Variants in SMAGP observed in about 807,000 individuals in gnomAD.
The protein encoded by SMAGP is small cell transmembrane and glycosylated protein.
Under a neutral mutation model 10.1 loss-of-function variants are expected in SMAGP, and 7 were observed. That is an observed-to-expected ratio of 0.70 (90% confidence interval 0.40 to 1.31). The LOEUF (loss-of-function observed/expected upper bound fraction) is 1.31. SMAGP is among the 50% of genes most tolerant of loss of function. The probability of loss-of-function intolerance (pLI) is 0.01; values close to 1 mark genes in which losing one functional copy is unlikely to be tolerated. For missense variants in SMAGP, 113 were observed against 116.5 expected, an observed-to-expected ratio of 0.97 and a Z score of 0.14; for synonymous variants, 49 against 47.2, an observed-to-expected ratio of 1.04 and a Z score of -0.16.
At chr12:51,260,548 T>A (rs1944923322) in intron 2 of SMAGP, among the ~76,000 whole-genome samples, 2 of 151,424 alleles carry the variant, frequency 1.3e-5, no homozygotes, top group Non-Finnish European at 2.9e-5. Flanking sequence ...GGCTAATTTT[T>A]TGTATTTTTT....
intron 2 of SMAGP, chr12:51,253,537 T>C (rs1327250417): frequency 6.8e-6 from 1 of 147,860 alleles, no homozygotes; most frequent in Non-Finnish European, 1.5e-5. Flanking sequence ...TGTCCAACAG[T>C]AGATAAATGG....
Position 51,268,960 on chromosome 12 carries a change from G to A in SMAGP, c.34+285C>T, listed in dbSNP as rs529181426. ...AGGTCTCAAACACCTAGCCTCAAGAGATCCTCCTGTCTCAGTCTCCCAAAG... is the reference window on the plus strand; with the variant it reads ...AGGTCTCAAACACCTAGCCTCAAGAAATCCTCCTGTCTCAGTCTCCCAAAG... On this transcript the variant is annotated intron_variant, in intron 2 of 3. Transcript: ENST00000603798. Among the ~76,000 whole-genome samples the A allele has an allele frequency of 4.6e-5, 7 of 152,268 alleles. No homozygotes were observed. In the South Asian group the frequency reaches 1.5e-3, roughly 32 times the overall value.
At chr12:51,255,745 G>C (rs1944879186) in intron 2 of SMAGP, among the ~76,000 whole-genome samples, 1 of 152,194 alleles carries the variant, frequency 6.6e-6, no homozygotes, top group South Asian at 2.1e-4. Context: ...GTGCACAGTT[G>C]CATCTGCCAA....
intron 3 of SMAGP, 82 bp from the exon 4 acceptor site, chr12:51,246,201 C>A: frequency 6.5e-7 from 1 of 1,545,596 alleles, no homozygotes; most frequent in Non-Finnish European, 8.8e-7. Context: ...GATTTAGTCA[C>A]TGTTTTCGTA....
At chr12:51,252,239 G>A (rs1054873039) in intron 2 of SMAGP, among the ~76,000 whole-genome samples, 5 of 142,342 alleles carry the variant, frequency 3.5e-5, no homozygotes, top group African/African-American at 1.1e-4. Context: ...GACTACAGGC[G>A]CATGTCACCA....
intron 2 of SMAGP, among the ~76,000 whole-genome samples, chr12:51,251,017 T>C (rs1944832850): frequency 6.6e-6 from 1 of 151,804 alleles, no homozygotes; most frequent in African/African-American, 2.4e-5. Context: ...TCTATACAGT[T>C]GTTCCTAGTT....
Position 51,246,052 on chromosome 12 carries a change from C to G in SMAGP, c.183G>C (p.Lys61Asn). The G allele has an allele frequency of 1.2e-6, 2 of 1,613,940 alleles. No individual in the cohort carries two copies. The highest frequency in any genetic ancestry group is 1.3e-5 in the African/African-American group (1 of 75,026). ...CATAGGTGACGTAGCTGCCTTTGTTCTTGTACAGGTAAAAGAAGATCAAGA... is the reference window on the plus strand; with the variant it reads ...CATAGGTGACGTAGCTGCCTTTGTTGTTGTACAGGTAAAAGAAGATCAAGA... ...VVILIFFYLY[K>N]NKGSYVTYEP... The change falls in exon 4 of 4, where the codon AAG becomes AAC. Residue 61 changes from lysine (K) to asparagine (N), a missense_variant. By Grantham distance (94) the Lys-to-Asn change is moderately conservative (BLOSUM62 0). Transcript: ENST00000603798.
In SMAGP at chr12:51,246,826, GTTC is replaced by G. The variant is rs376273085; in HGVS notation, c.37_39del (p.Glu13del). 6.7e-4 allele frequency: 1,061 copies of G among 1,571,886 alleles called. 15 individuals carry two copies. The South Asian group carries it at 0.011, about 17-fold the overall frequency. On this transcript the variant is annotated inframe_deletion and splice_region_variant, in exon 3 of 4. Coordinates refer to ENST00000603798, the MANE Select transcript of SMAGP (RefSeq NM_001031628.2). ...GGCTGTAAAATTGGGGTGGTCATCA[GTTC>G]TTCTGGAAAATGTAGAAAAGTGGAA...
intron 3 of SMAGP, chr12:51,246,491 G>GTCCCTACCCAC: frequency 2.3e-6 from 1 of 436,354 alleles, no homozygotes; most frequent in East Asian, 3.6e-5. Flanking sequence ...ATATATCCTC[G>GTCCCTACCCAC]TCCCTACCCA....
rs545841130 is a variant in SMAGP, at chr12:51,259,245, A to G, written c.34+10000T>C. On this transcript the variant is annotated intron_variant, in intron 2 of 3. Coordinates refer to ENST00000603798, the MANE Select transcript of SMAGP (RefSeq NM_001031628.2). ...GGCTGAGCTGAATGCCCTTGGGGTA[A>G]ATGCAGATCCTGCAGACCCAGGGAA... Among the ~76,000 whole-genome samples, 19 of 152,286 alleles carry G rather than the reference A, an allele frequency of 1.2e-4. No individual in the cohort carries two copies. In the East Asian group the frequency reaches 3.7e-3, roughly 29 times the overall value.
intron 2 of SMAGP, among the ~76,000 whole-genome samples, chr12:51,256,492 C>T (rs1216598111): frequency 6.6e-6 from 1 of 152,150 alleles, no homozygotes; most frequent in African/African-American, 2.4e-5. Flanking sequence ...GAGGCAGAGG[C>T]AGGCGGATCA....
chr12:51,247,273 T>C (rs1944786197), intron 2 of SMAGP, among the ~76,000 whole-genome samples: 1 of 152,230 alleles, frequency 6.6e-6, no homozygotes, highest in African/African-American at 2.4e-5. Context: ...TCAAATGAGT[T>C]GTATGTGTAT....
At chr12:51,254,049 T>C (rs771772573) in intron 2 of SMAGP, among the ~76,000 whole-genome samples, 6 of 152,184 alleles carry the variant, frequency 3.9e-5, no homozygotes, top group Non-Finnish European at 7.3e-5. Flanking sequence ...TTAATGAGTA[T>C]AGAGTTTTAG....
intron 2 of SMAGP, among the ~76,000 whole-genome samples, chr12:51,251,048 G>C (rs1944833058): frequency 6.6e-6 from 1 of 151,910 alleles, no homozygotes. Context: ...TAAACATTTT[G>C]AGAATTTAGG....
chr12:51,264,170 G>A (rs987868411), intron 2 of SMAGP, among the ~76,000 whole-genome samples: 17 of 152,024 alleles, frequency 1.1e-4, no homozygotes, highest in Non-Finnish European at 2.4e-4. Flanking sequence ...GCAAGACAGG[G>A]GTAGAAGAGA....
At chr12:51,263,557 A>G (rs1944947568) in intron 2 of SMAGP, among the ~76,000 whole-genome samples, 2 of 152,206 alleles carry the variant, frequency 1.3e-5, no homozygotes, top group South Asian at 4.1e-4. Flanking sequence ...GTTTGAGACC[A>G]GACTGGGCAA....
At chr12:51,260,206 CTTTT>C (rs1274632737) in intron 2 of SMAGP, among the ~76,000 whole-genome samples, 19 of 104,904 alleles carry the variant, frequency 1.8e-4, no homozygotes, top group African/African-American at 6.1e-4. Context: ...GTCATGGTTT[CTTTT>C]TTTTTTTTTT....
chr12:51,261,092 A>T (rs1437554058), intron 2 of SMAGP, among the ~76,000 whole-genome samples: 8 of 110,790 alleles, frequency 7.2e-5, no homozygotes, highest in African/African-American at 1.4e-4. Context: ...CCCAGCCTTA[A>T]TTTTTTTTTT....
Position 51,269,326 on chromosome 12 carries a change from G to A in SMAGP, c.-38-10C>T, listed in dbSNP as rs759999840. 27 of 1,610,006 alleles carry A rather than the reference G, an allele frequency of 1.7e-5. No individual in the cohort carries two copies. In the Admixed American group the frequency reaches 4.5e-4, roughly 27 times the overall value. ...TGGAGAAGAGGCAGATCTGTAGGAA[G>A]AGGGGCAAAGACAGGAATGTAGCGG... On this transcript the variant is annotated splice_polypyrimidine_tract_variant and intron_variant, in intron 1 of 3. Coordinates refer to ENST00000603798, the MANE Select transcript of SMAGP (RefSeq NM_001031628.2).
Sources: allele counts gnomAD v4.1 joint callset (sites outside exome capture counted in the v4.1 genomes callset), GRCh38; gene constraint gnomAD v4.1.1; transcripts MANE v1.5; gene names NCBI Gene and HGNC (gene_info 2026-07-23, HGNC 2026-07-21).